The following ZNF407 variants were observed in gnomAD, a reference collection of about 807,000 sequenced individuals.
ZNF407 encodes zinc finger protein 407.
Under a neutral mutation model 131.2 loss-of-function variants are expected in ZNF407, and 17 were observed. The ratio of observed to expected loss-of-function variants is 0.13; its 90% CI spans 0.09 to 0.19. ZNF407 has a LOEUF of 0.19. ZNF407 is among the 10% of genes least tolerant of loss of function. ZNF407 has a pLI of 1.00. For missense variants in ZNF407, 2,681 were observed against 2,830.6 expected, an observed-to-expected ratio of 0.95 and a Z score of 1.20; for synonymous variants, 1,156 against 1,062.0, an observed-to-expected ratio of 1.09 and a Z score of -1.72.
At chr18:74,720,127 G>T (rs1967994649) in intron 3 of ZNF407, among the ~76,000 whole-genome samples, 1 of 152,088 alleles carries the variant, frequency 6.6e-6, no homozygotes, top group South Asian at 2.1e-4. Context: ...TCCACCAACG[G>T]TGTATAAGAA....
chr18:74,824,170 C>G (rs904721552), intron 4 of ZNF407, among the ~76,000 whole-genome samples: 9 of 152,076 alleles, frequency 5.9e-5, no homozygotes, highest in African/African-American at 2.2e-4. Flanking sequence ...CCAATGAGAA[C>G]AAAGACACAA....
intron 4 of ZNF407, among the ~76,000 whole-genome samples, chr18:74,794,447 C>A (rs1335835093): frequency 6.6e-6 from 1 of 151,040 alleles, no homozygotes; most frequent in Admixed American, 6.6e-5. Context: ...ACTTTACCAG[C>A]TTTTATGAGG....
chr18:74,875,188 C>T (rs189759162), intron 4 of ZNF407, among the ~76,000 whole-genome samples: 91 of 152,158 alleles, frequency 6.0e-4, no homozygotes, highest in East Asian at 2.3e-3. Flanking sequence ...TAGGTAATAC[C>T]GGTTCTTTTT....
At chr18:74,859,826 C>A (rs1010294811) in intron 4 of ZNF407, among the ~76,000 whole-genome samples, 1 of 152,138 alleles carries the variant, frequency 6.6e-6, no homozygotes, top group Admixed American at 6.5e-5. Flanking sequence ...GACCTGGCCC[C>A]ATGGTAGATG....
At chr18:74,910,787 C>G (rs1971659262) in intron 7 of ZNF407, among the ~76,000 whole-genome samples, 1 of 152,240 alleles carries the variant, frequency 6.6e-6, no homozygotes, top group Non-Finnish European at 1.5e-5. Context: ...TCTTTCTTGT[C>G]TTTGGCTGTC....
intron 4 of ZNF407, among the ~76,000 whole-genome samples, chr18:74,799,062 C>T (rs1477669009): frequency 6.6e-6 from 1 of 152,026 alleles, no homozygotes; most frequent in Non-Finnish European, 1.5e-5. Flanking sequence ...GTCTATAAAA[C>T]TTTGATTACT....
chr18:75,039,033 A>G (rs565849780), intron 8 of ZNF407, among the ~76,000 whole-genome samples: 1 of 152,338 alleles, frequency 6.6e-6, no homozygotes, highest in East Asian at 1.9e-4. Context: ...TCAGCTTGTG[A>G]TGTACTCTAG....
chr18:75,040,381 T>C (rs1423922425), intron 8 of ZNF407, among the ~76,000 whole-genome samples: 1 of 152,170 alleles, frequency 6.6e-6, no homozygotes, highest in African/African-American at 2.4e-5. Flanking sequence ...ATTCCCCATG[T>C]TTAATATACT....
At chr18:74,764,848 T>A (rs910161713) in intron 3 of ZNF407, among the ~76,000 whole-genome samples, 18 of 152,208 alleles carry the variant, frequency 1.2e-4, no homozygotes, top group Admixed American at 5.9e-4. Context: ...TCTTTAAGCT[T>A]GATAAAAGAA....
intron 8 of ZNF407, among the ~76,000 whole-genome samples, chr18:75,050,961 C>T (rs1224950632): frequency 6.6e-6 from 1 of 152,056 alleles, no homozygotes; most frequent in Non-Finnish European, 1.5e-5. Flanking sequence ...TCAATCCTTC[C>T]TTTTTAGATT....
At chr18:74,806,715 G>A (rs554225289) in intron 4 of ZNF407, among the ~76,000 whole-genome samples, 5 of 152,256 alleles carry the variant, frequency 3.3e-5, no homozygotes, top group South Asian at 2.1e-4. Context: ...CAATTTGTCC[G>A]AGTTACTTAA....
At chr18:74,767,705 A>G (rs973647817) in intron 3 of ZNF407, among the ~76,000 whole-genome samples, 4 of 139,688 alleles carry the variant, frequency 2.9e-5, no homozygotes, top group South Asian at 2.2e-4. Flanking sequence ...CCAGGCTGGA[A>G]TGCAGTGGTG....
chr18:74,915,491 TGTGTG>T (rs1264011184), intron 7 of ZNF407, among the ~76,000 whole-genome samples: 1 of 146,698 alleles, frequency 6.8e-6, no homozygotes, highest in Non-Finnish European at 1.5e-5. Flanking sequence ...TGTGTGTGTG[TGTGTG>T]TTCATGCATG....
intron 2 of ZNF407, 49 bp from the exon 3 acceptor site, chr18:74,640,959 G>T (rs764995194): frequency 3.0e-6 from 4 of 1,348,978 alleles, no homozygotes; most frequent in Non-Finnish European, 3.2e-6. Context: ...TAAGCTATTG[G>T]TGATGTATTA....
At chr18:74,666,078 G>A (rs938830560) in intron 3 of ZNF407, among the ~76,000 whole-genome samples, 2 of 152,170 alleles carry the variant, frequency 1.3e-5, no homozygotes, top group African/African-American at 2.4e-5. Flanking sequence ...AGCAGGATCC[G>A]AAGGTGCATG....
chr18:74,767,555 A>ATGTG (rs1248031258), intron 3 of ZNF407, among the ~76,000 whole-genome samples: 1 of 152,080 alleles, frequency 6.6e-6, no homozygotes, highest in East Asian at 1.9e-4. Context: ...GTAAACCTCA[A>ATGTG]TACAAGACAC....
At chr18:74,672,563 C>T (rs1278628) in intron 3 of ZNF407, among the ~76,000 whole-genome samples, 3,465 of 151,672 alleles carry the variant, frequency 0.023, 148 homozygotes, top group African/African-American at 0.079. Flanking sequence ...CATTGGAGCA[C>T]TGTTTGTTCA....
At chr18:74,945,114 T>C (rs1276171767) in intron 8 of ZNF407, among the ~76,000 whole-genome samples, 1 of 152,188 alleles carries the variant, frequency 6.6e-6, no homozygotes, top group African/African-American at 2.4e-5. Context: ...TGAATTACTT[T>C]TTTAACCCGG....
intron 8 of ZNF407, among the ~76,000 whole-genome samples, chr18:75,024,789 T>C (rs1973152265): frequency 6.6e-6 from 1 of 152,210 alleles, no homozygotes; most frequent in Non-Finnish European, 1.5e-5. Context: ...GTTCTCAGAC[T>C]GATGGCAGAA....
Sources: allele counts gnomAD v4.1 joint callset (sites outside exome capture counted in the v4.1 genomes callset), GRCh38; gene constraint gnomAD v4.1.1; transcripts MANE v1.5; gene names NCBI Gene and HGNC (gene_info 2026-07-23, HGNC 2026-07-21).